HTR1E: variants seen among roughly 807,000 people sequenced by gnomAD.
HTR1E encodes 5-hydroxytryptamine receptor 1E.
Under a neutral mutation model 3.4 loss-of-function variants are expected in HTR1E, and 3 were observed. The ratio of observed to expected loss-of-function variants is 0.89; its 90% CI spans 0.41 to 2.31. The LOEUF is 2.31. HTR1E is among the 30% of genes most tolerant of loss of function. The probability of loss-of-function intolerance (pLI) is 0.05; values close to 1 mark genes in which losing one functional copy is unlikely to be tolerated. For synonymous variants in HTR1E, 170 were observed against 182.8 expected (o/e 0.93, Z 0.56); for missense variants, 392 against 467.0 (o/e 0.84, Z 1.48).
At chr6:87,000,971 A>C (rs1768014429) in intron 1 of HTR1E, among the ~76,000 whole-genome samples, 1 of 152,222 alleles carries the variant, frequency 6.6e-6, no homozygotes, top group African/African-American at 2.4e-5. Flanking sequence ...CTATGAATAG[A>C]AACAACAAAA....
At chr6:86,998,818 C>T (rs1005281114) in intron 1 of HTR1E, among the ~76,000 whole-genome samples, 2 of 151,784 alleles carry the variant, frequency 1.3e-5, no homozygotes, top group East Asian at 3.9e-4. Flanking sequence ...AAAATTATTA[C>T]TTAGACTGAT....
chr6:87,005,181 A>G (rs1768083127), intron 1 of HTR1E, among the ~76,000 whole-genome samples: 1 of 152,146 alleles, frequency 6.6e-6, no homozygotes, highest in Non-Finnish European at 1.5e-5. Flanking sequence ...ATCTATGGCT[A>G]TAAGGCAATC....
chr6:86,961,522 CTAAT>C (rs756109197), intron 1 of HTR1E, among the ~76,000 whole-genome samples: 65 of 152,212 alleles, frequency 4.3e-4, no homozygotes, highest in Non-Finnish European at 6.9e-4. Context: ...TCCGGCTATT[CTAAT>C]TAATTTTCTC....
intron 1 of HTR1E, among the ~76,000 whole-genome samples, chr6:86,938,745 T>C (rs957690620): frequency 1.5e-4 from 23 of 152,206 alleles, no homozygotes; most frequent in African/African-American, 5.5e-4. Context: ...CAGGAGGAAA[T>C]AATAGATCGT....
chr6:87,009,986 A>G (rs1158976240), intron 1 of HTR1E, among the ~76,000 whole-genome samples: 2 of 112,950 alleles, frequency 1.8e-5, no homozygotes, highest in East Asian at 3.2e-4. Flanking sequence ...CACCTCCCAG[A>G]CGGGGTGGCT....
chr6:86,967,404 T>C (rs1242883346), intron 1 of HTR1E, among the ~76,000 whole-genome samples: 3 of 152,210 alleles, frequency 2.0e-5, no homozygotes, highest in South Asian at 2.1e-4. Flanking sequence ...CTGTGAATTA[T>C]TGCACCTTTA....
intron 1 of HTR1E, among the ~76,000 whole-genome samples, chr6:86,946,284 T>G (rs1462407145): frequency 7.9e-5 from 12 of 152,210 alleles, no homozygotes. Flanking sequence ...AGTATCCCAT[T>G]TTTTATCTTT....
chr6:86,947,263 ATATT>A (rs1472829839), intron 1 of HTR1E, among the ~76,000 whole-genome samples: 20 of 152,284 alleles, frequency 1.3e-4, no homozygotes, highest in Non-Finnish European at 2.6e-4. Context: ...ACCTGTATAA[ATATT>A]TATAGTTACT....
chr6:86,961,596 C>T (rs1194473711), intron 1 of HTR1E, among the ~76,000 whole-genome samples: 1 of 152,102 alleles, frequency 6.6e-6, no homozygotes, highest in South Asian at 2.1e-4. Flanking sequence ...AGTGCGTCAG[C>T]GTGTATTGTT....
At chr6:86,986,448 T>A (rs1319057117) in intron 1 of HTR1E, among the ~76,000 whole-genome samples, 1 of 152,182 alleles carries the variant, frequency 6.6e-6, no homozygotes, top group Non-Finnish European at 1.5e-5. Flanking sequence ...TTCAAGACAT[T>A]TGAAGGCAGT....
At chr6:87,014,220 T>C (rs1041383588) in intron 1 of HTR1E, among the ~76,000 whole-genome samples, 5 of 151,000 alleles carry the variant, frequency 3.3e-5, no homozygotes, top group Admixed American at 1.3e-4. Context: ...GTAACAAACC[T>C]GCATGTTGTG....
At chr6:86,949,967 C>G (rs1427726497) in intron 1 of HTR1E, among the ~76,000 whole-genome samples, 2 of 152,108 alleles carry the variant, frequency 1.3e-5, no homozygotes, top group Non-Finnish European at 2.9e-5. Flanking sequence ...GGCAGCTGGT[C>G]TCTCCCAAAT....
intron 1 of HTR1E, among the ~76,000 whole-genome samples, chr6:86,952,707 G>A (rs1767265089): frequency 6.6e-6 from 1 of 152,106 alleles, no homozygotes; most frequent in African/African-American, 2.4e-5. Context: ...CCCCAGAATA[G>A]TCCATCTTTT....
chr6:86,995,816 T>C (rs1346919123), intron 1 of HTR1E, among the ~76,000 whole-genome samples: 99 of 150,504 alleles, frequency 6.6e-4, no homozygotes, highest in Non-Finnish European at 2.1e-4. Context: ...TCAAAGGCAG[T>C]AGGAGTGTCT....
intron 1 of HTR1E, among the ~76,000 whole-genome samples, chr6:86,989,371 A>G (rs1275217140): frequency 6.6e-6 from 1 of 152,206 alleles, no homozygotes; most frequent in East Asian, 1.9e-4. Flanking sequence ...TTCTGCACCA[A>G]CTTAAGAAGC....
In HTR1E at chr6:86,981,386, T is replaced by C. The variant is rs74542399; in HGVS notation, c.-185-33764T>C. On this transcript the variant is annotated intron_variant, in intron 1 of 1. Coordinates refer to ENST00000305344, the MANE Select transcript of HTR1E (RefSeq NM_000865.3). ...TGGGTCTAAGAGTTACAGCCTCACATGAACCTTAGGATTTCCGTGAATTGC... is the reference window on the plus strand; with the variant it reads ...TGGGTCTAAGAGTTACAGCCTCACACGAACCTTAGGATTTCCGTGAATTGC... Among the ~76,000 whole-genome samples the C allele has an allele frequency of 5.7e-3, 875 of 152,346 alleles. 27 individuals are homozygous for C. The highest frequency in any genetic ancestry group is 0.045 in the Admixed American group (690 of 15,308).
At chr6:86,996,702 A>G (rs758458362) in intron 1 of HTR1E, among the ~76,000 whole-genome samples, 1 of 152,062 alleles carries the variant, frequency 6.6e-6, no homozygotes, top group Non-Finnish European at 1.5e-5. Context: ...CAATTCACCC[A>G]AACAGTTTAA....
At chr6:86,954,575 C>A (rs1767295342) in intron 1 of HTR1E, among the ~76,000 whole-genome samples, 1 of 152,130 alleles carries the variant, frequency 6.6e-6, no homozygotes, top group South Asian at 2.1e-4. Flanking sequence ...CTGTGAGGCC[C>A]CTCTGCAGAA....
At chr6:86,980,988 G>T (rs150531491) in intron 1 of HTR1E, among the ~76,000 whole-genome samples, 3 of 152,308 alleles carry the variant, frequency 2.0e-5, no homozygotes, top group African/African-American at 7.2e-5. Flanking sequence ...TGTCTTTTCA[G>T]GGATGGACTG....
Sources: allele counts gnomAD v4.1 joint callset (sites outside exome capture counted in the v4.1 genomes callset), GRCh38; gene constraint gnomAD v4.1.1; transcripts MANE v1.5; gene names NCBI Gene and HGNC (gene_info 2026-07-23, HGNC 2026-07-21).